Variants in CDK14 observed in about 807,000 individuals in gnomAD.
CDK14 encodes the protein cyclin dependent kinase 14.
In CDK14, 34 loss-of-function variants were observed where a neutral mutation model predicts 60.7. The observed-to-expected ratio is 0.56, with a 90% CI of 0.43 to 0.75. The LOEUF is 0.75. Among genes scored for constraint, CDK14 ranks in the 30% least tolerant of loss-of-function variants. The pLI is 0.00. For missense variants in CDK14, 482 were observed against 564.1 expected, an observed-to-expected ratio of 0.85 and a Z score of 1.47; for synonymous variants, 197 against 203.7, an observed-to-expected ratio of 0.97 and a Z score of 0.28.
At chr7:91,110,561 A>T (rs1289809599) in intron 12 of CDK14, among the ~76,000 whole-genome samples, 2 of 152,142 alleles carry the variant, frequency 1.3e-5, no homozygotes, top group East Asian at 3.9e-4. Flanking sequence ...TTTGTATTTC[A>T]TGTTTTTTAT....
At chr7:90,679,175 T>C (rs2116555318) in intron 2 of CDK14, among the ~76,000 whole-genome samples, 1 of 152,236 alleles carries the variant, frequency 6.6e-6, no homozygotes, top group Admixed American at 6.5e-5. Context: ...TGGTATCAAA[T>C]TCCTGGGCTC....
chr7:91,206,001 G>C (rs1251472650), intron 14 of CDK14, among the ~76,000 whole-genome samples: 1 of 152,018 alleles, frequency 6.6e-6, no homozygotes, highest in Non-Finnish European at 1.5e-5. Flanking sequence ...TCACCATATT[G>C]GCCAGGATGG....
At chr7:91,198,029 C>G (rs781715455) in intron 14 of CDK14, among the ~76,000 whole-genome samples, 1 of 152,122 alleles carries the variant, frequency 6.6e-6, no homozygotes, top group Non-Finnish European at 1.5e-5. Context: ...GGGGGCTTAG[C>G]GAGCTGTCTA....
At chr7:90,668,093 G>C (rs892458730) in intron 2 of CDK14, among the ~76,000 whole-genome samples, 4 of 152,100 alleles carry the variant, frequency 2.6e-5, no homozygotes, top group African/African-American at 9.7e-5. Flanking sequence ...TTGCGGAACT[G>C]CACAATCATT....
chr7:91,160,978 C>G (rs1400676980), intron 14 of CDK14, among the ~76,000 whole-genome samples: 4 of 152,186 alleles, frequency 2.6e-5, no homozygotes, highest in Admixed American at 6.6e-5. Context: ...ATTATTGACT[C>G]TCTCCAGAGT....
intron 6 of CDK14, among the ~76,000 whole-genome samples, chr7:90,865,139 A>T (rs1476822): frequency 0.99 from 150,569 of 152,244 alleles, 74,468 homozygotes; most frequent in East Asian, 1. Context: ...TCATTTTCTA[A>T]CATTTTGCTT....
chr7:91,080,163 A>G (rs749804874), intron 12 of CDK14, among the ~76,000 whole-genome samples: 3 of 152,236 alleles, frequency 2.0e-5, no homozygotes, highest in Non-Finnish European at 4.4e-5. Flanking sequence ...ATAAAAGACA[A>G]CTGGAACTGG....
At chr7:90,710,703 C>T (rs540906015) in intron 2 of CDK14, 1 of 254,746 alleles carries the variant, frequency 3.9e-6, no homozygotes, top group African/African-American at 2.3e-5. Flanking sequence ...ATGGAGAACC[C>T]CTGCATTCAT....
At chr7:90,861,770 G>A (rs1208702225) in intron 5 of CDK14, among the ~76,000 whole-genome samples, 2 of 151,834 alleles carry the variant, frequency 1.3e-5, no homozygotes, top group African/African-American at 4.8e-5. Flanking sequence ...GGGCAAAGGT[G>A]ACAGAAAAAA....
chr7:90,975,297 GTATATTA>G (rs1260204918), intron 9 of CDK14, among the ~76,000 whole-genome samples: 1 of 151,592 alleles, frequency 6.6e-6, no homozygotes, highest in Non-Finnish European at 1.5e-5. Flanking sequence ...TTGCCATAGA[GTATATTA>G]TATATATTTC....
At chr7:90,822,825 T>G (rs1010290397) in intron 5 of CDK14, among the ~76,000 whole-genome samples, 1 of 152,164 alleles carries the variant, frequency 6.6e-6, no homozygotes, top group Non-Finnish European at 1.5e-5. Context: ...GGGGCAGTCT[T>G]TAGAAGGGAT....
intron 2 of CDK14, among the ~76,000 whole-genome samples, chr7:90,685,195 T>C (rs1441255504): frequency 6.6e-6 from 1 of 152,148 alleles, no homozygotes; most frequent in Non-Finnish European, 1.5e-5. Context: ...CATTGCTTTC[T>C]GGTTGTCTCA....
intron 2 of CDK14, among the ~76,000 whole-genome samples, chr7:90,654,738 C>T (rs1255663695): frequency 1.3e-5 from 2 of 152,132 alleles, no homozygotes; most frequent in African/African-American, 4.8e-5. Context: ...TCCCATGTTA[C>T]TTCTCATTCC....
chr7:90,717,184 TGAA>T (rs1297940567), intron 2 of CDK14, among the ~76,000 whole-genome samples: 1 of 151,934 alleles, frequency 6.6e-6, no homozygotes, highest in African/African-American at 2.4e-5. Flanking sequence ...GGCATCAAAA[TGAA>T]GAAGTATAGA....
intron 14 of CDK14, among the ~76,000 whole-genome samples, chr7:91,141,098 A>C (rs1318444722): frequency 2.0e-5 from 3 of 152,230 alleles, no homozygotes; most frequent in African/African-American, 7.2e-5. Context: ...AAAAAGCACA[A>C]AAGTTGCACT....
chr7:90,870,974 A>G (rs1562806118), intron 6 of CDK14, among the ~76,000 whole-genome samples: 10 of 152,064 alleles, frequency 6.6e-5, no homozygotes. Context: ...GGAGATCATT[A>G]TTTTTTTTCC....
At chr7:91,061,667 C>G (rs1797793141) in intron 11 of CDK14, among the ~76,000 whole-genome samples, 1 of 152,202 alleles carries the variant, frequency 6.6e-6, no homozygotes, top group South Asian at 2.1e-4. Context: ...GAGGTCCACT[C>G]CAGACCCTGT....
At chr7:90,668,754 A>G (rs1801041786) in intron 2 of CDK14, among the ~76,000 whole-genome samples, 1 of 127,368 alleles carries the variant, frequency 7.9e-6, no homozygotes, top group African/African-American at 3.0e-5. Context: ...TGTTGCCCAG[A>G]CTGGAGTGCA....
At chr7:90,674,744 A>ACGT (rs1801163530) in intron 2 of CDK14, among the ~76,000 whole-genome samples, 1 of 152,132 alleles carries the variant, frequency 6.6e-6, no homozygotes, top group African/African-American at 2.4e-5. Context: ...AACCACAGTG[A>ACGT]CACCCTTGCC....
Sources: gnomAD v4.1 joint callset for allele counts (sites outside exome capture counted in the v4.1 genomes callset) on GRCh38, gnomAD v4.1.1 for gene constraint, MANE v1.5 for transcripts, NCBI Gene and HGNC (gene_info 2026-07-23, HGNC 2026-07-21) for gene names.